The following COL19A1 variants were observed in gnomAD, a reference collection of about 807,000 sequenced individuals.
COL19A1 encodes collagen type XIX alpha 1 chain, also known as collagen alpha-1(XIX) chain.
In COL19A1, 159 loss-of-function variants were observed where a neutral mutation model predicts 190.2. The observed-to-expected ratio is 0.84, with a 90% confidence interval of 0.73 to 0.95. The LOEUF is 0.95. COL19A1 is among the 40% of genes least tolerant of loss of function. The pLI is 0.00. For synonymous variants in COL19A1, 509 were observed against 458.9 expected (o/e 1.11, Z -1.39); for missense variants, 1,418 against 1,431.9 (o/e 0.99, Z 0.16).
intron 15 of COL19A1, among the ~76,000 whole-genome samples, chr6:70,074,639 C>T (rs746755653): frequency 2.6e-5 from 4 of 151,908 alleles, no homozygotes; most frequent in Admixed American, 2.6e-4. Context: ...AAACCACTAA[C>T]AATTGTCTGC....
intron 15 of COL19A1, among the ~76,000 whole-genome samples, chr6:70,075,365 C>T (rs2025108): frequency 0.25 from 37,457 of 152,036 alleles, 7,743 homozygotes; most frequent in African/African-American, 0.55. Context: ...GGACTTTGGC[C>T]GCTTGGTGTC....
intron 4 of COL19A1, among the ~76,000 whole-genome samples, chr6:69,915,347 T>C (rs1771220060): frequency 6.6e-6 from 1 of 152,198 alleles, no homozygotes. Context: ...TACTTTAAAA[T>C]AGTGAATTAA....
At chr6:69,914,110 G>A (rs899274817) in intron 4 of COL19A1, among the ~76,000 whole-genome samples, 1 of 152,114 alleles carries the variant, frequency 6.6e-6, no homozygotes, top group African/African-American at 2.4e-5. Flanking sequence ...ATGGGAAGTC[G>A]TTTACAATGC....
chr6:70,065,736 T>C (rs1781147317), intron 14 of COL19A1, among the ~76,000 whole-genome samples: 1 of 152,046 alleles, frequency 6.6e-6, no homozygotes, highest in African/African-American at 2.4e-5. Flanking sequence ...ATCCAGAATC[T>C]ACAAAGAACT....
intron 11 of COL19A1, among the ~76,000 whole-genome samples, chr6:69,963,539 C>CA (rs1273689432): frequency 1.3e-5 from 2 of 152,158 alleles, no homozygotes; most frequent in African/African-American, 4.8e-5. Context: ...GAAATCAGGG[C>CA]AATAAACACC....
chr6:69,954,939 A>G (rs535574252), intron 9 of COL19A1, among the ~76,000 whole-genome samples: 1 of 152,222 alleles, frequency 6.6e-6, no homozygotes, highest in South Asian at 2.1e-4. Flanking sequence ...CTGCTATATC[A>G]TTGTCCTCAA....
intron 7 of COL19A1, 62 bp downstream of exon 7, chr6:69,932,925 T>C (rs984023656): frequency 8.9e-7 from 1 of 1,117,820 alleles, no homozygotes; most frequent in Non-Finnish European, 1.3e-6. Context: ...AGTGGCATAG[T>C]TTGTAGAGTC....
At chr6:69,997,502 G>A (rs1285930938) in intron 11 of COL19A1, among the ~76,000 whole-genome samples, 1 of 152,144 alleles carries the variant, frequency 6.6e-6, no homozygotes, top group African/African-American at 2.4e-5. Flanking sequence ...AAATAATTAA[G>A]TGAAAATATG....
chr6:69,952,131 T>C lies in COL19A1; in HGVS notation c.937-7865T>C, dbSNP rs191549940. On this transcript the variant is annotated intron_variant, in intron 9 of 50. Transcript: ENST00000620364. ...CCTAGGGATTCTGACTCCCCCACCT[T>C]CATAAGATTGTGTTCACCTATTAAG... 2.8e-3 allele frequency among the ~76,000 whole-genome samples: 429 copies of C among 151,994 alleles called. 3 individuals carry two copies. The highest frequency in any genetic ancestry group is 9.7e-3 in the African/African-American group (402 of 41,490).
chr6:70,095,547 A>G (rs886349138), intron 15 of COL19A1, among the ~76,000 whole-genome samples: 1 of 152,198 alleles, frequency 6.6e-6, no homozygotes, highest in African/African-American at 2.4e-5. Flanking sequence ...AAAATATATA[A>G]CATAAAATGT....
chr6:70,102,112 G>A, intron 15 of COL19A1, 57 bp from the exon 16 acceptor site: 2 of 1,287,024 alleles, frequency 1.6e-6, no homozygotes, highest in Non-Finnish European at 2.3e-6. Context: ...AATATTGTTT[G>A]ATATTAAAAT....
chr6:69,925,326 C>A (rs1772293718), intron 4 of COL19A1, among the ~76,000 whole-genome samples: 1 of 152,180 alleles, frequency 6.6e-6, no homozygotes, highest in Non-Finnish European at 1.5e-5. Flanking sequence ...TTCCCAGCAC[C>A]ATTTGTTAAA....
At chr6:69,879,765 A>G in intron 2 of COL19A1, 107 bp downstream of exon 2, 1 of 944,150 alleles carries the variant, frequency 1.1e-6, no homozygotes, top group South Asian at 1.6e-5. Context: ...ATGTACTATA[A>G]CAGAATAAAT....
At chr6:70,075,040 G>A (rs1257402975) in intron 15 of COL19A1, among the ~76,000 whole-genome samples, 1 of 151,972 alleles carries the variant, frequency 6.6e-6, no homozygotes, top group East Asian at 1.9e-4. Context: ...TACAACTATT[G>A]GTTCATGCTT....
chr6:70,022,352 A>G (rs535984905), intron 11 of COL19A1, among the ~76,000 whole-genome samples: 1 of 152,234 alleles, frequency 6.6e-6, no homozygotes, highest in South Asian at 2.1e-4. Context: ...ATCACTAGAA[A>G]AAAAATTTAA....
intron 14 of COL19A1, among the ~76,000 whole-genome samples, chr6:70,053,808 C>T (rs1432298433): frequency 6.6e-6 from 1 of 152,104 alleles, no homozygotes; most frequent in Non-Finnish European, 1.5e-5. Context: ...AATAAATAAA[C>T]AATGCAACTA....
chr6:69,872,710 A>T (rs1767914013), intron 1 of COL19A1, among the ~76,000 whole-genome samples: 1 of 152,154 alleles, frequency 6.6e-6, no homozygotes, highest in African/African-American at 2.4e-5. Context: ...GCCACTTATT[A>T]TCTTTTTGTT....
chr6:70,072,596 C>T (rs1781623134), intron 15 of COL19A1, among the ~76,000 whole-genome samples: 1 of 152,152 alleles, frequency 6.6e-6, no homozygotes, highest in Non-Finnish European at 1.5e-5. Flanking sequence ...TGTCCTTTTT[C>T]CCCTCTCTGG....
At chr6:70,176,684 C>A in intron 42 of COL19A1, 120 bp downstream of exon 42, 1 of 746,740 alleles carries the variant, frequency 1.3e-6, no homozygotes, top group Non-Finnish European at 2.0e-6. Context: ...GCATTAGGTT[C>A]CTGACAATTC....
Sources: allele counts gnomAD v4.1 joint callset (sites outside exome capture counted in the v4.1 genomes callset), GRCh38; gene constraint gnomAD v4.1.1; transcripts MANE v1.5; gene names NCBI Gene and HGNC (gene_info 2026-07-23, HGNC 2026-07-21).